The following KMT2A variants were observed in gnomAD, a reference collection of about 807,000 sequenced individuals.
KMT2A encodes lysine methyltransferase 2A.
Under a neutral mutation model 345.3 loss-of-function variants are expected in KMT2A, and 16 were observed. That is an observed-to-expected ratio of 0.05 (90% confidence interval 0.03 to 0.07). KMT2A has a LOEUF of 0.07. Ranked by LOEUF, KMT2A falls within the 10% of genes least tolerant of loss-of-function variation. The pLI is 1.00. For synonymous variants in KMT2A, 1,599 were observed against 1,778.6 expected (o/e 0.90, Z 2.54); for missense variants, 3,272 against 4,841.6 (o/e 0.68, Z 9.62).
chr11:118,482,807 G>T (rs922226193), intron 8 of KMT2A, among the ~76,000 whole-genome samples: 1 of 151,566 alleles, frequency 6.6e-6, no homozygotes, highest in African/African-American at 2.4e-5. Flanking sequence ...TGGCAGTTGC[G>T]TGTAGTCCCA....
chr11:118,440,975 T>C (rs1413803445), intron 1 of KMT2A, among the ~76,000 whole-genome samples: 1 of 151,992 alleles, frequency 6.6e-6, no homozygotes, highest in East Asian at 1.9e-4. Flanking sequence ...TACTGAACAG[T>C]TATGAGACCC....
chr11:118,493,099 A>G lies in KMT2A; in HGVS notation c.5047A>G (p.Ile1683Val). Residue 1683 changes from isoleucine to valine, a missense_variant, in exon 16 of 36, where the codon ATA becomes GTA. By Grantham distance (29) the Ile-to-Val change is conservative. This residue lies in a region of KMT2A where 66 missense variants were observed against 80.1 expected (regional missense o/e 0.82). Transcript: ENST00000534358. The surrounding 1 kb of genome is among the most constrained non-coding windows in gnomAD (Gnocchi z 5.8). ...CTTAAATCCCGAGACAGAGGAGAGTATACCTTCCCGCAGCTCCCCCGAAGG... is the reference window on the plus strand; with the variant it reads ...CTTAAATCCCGAGACAGAGGAGAGTGTACCTTCCCGCAGCTCCCCCGAAGG... ...PDLNPETEESIPSRSSPEGPD... is the reference protein window; with the variant it reads ...PDLNPETEESVPSRSSPEGPD... 1 of 1,614,048 alleles carries G rather than the reference A, an allele frequency of 6.2e-7. No homozygotes were observed. The highest frequency in any genetic ancestry group is 8.5e-7 in the Non-Finnish European group (1 of 1,179,928).
In KMT2A at chr11:118,520,077, T is replaced by C. The variant is rs782240356; in HGVS notation, c.11429+13T>C. The stretch of plus-strand genomic sequence containing the variant: ...TGAAGTCAGCTCGGTAAGTCTTGAG[T>C]GGGGAGCAGTCATTAGAAACTGCTT... On this transcript the variant is annotated intron_variant, in intron 33 of 35. Coordinates refer to ENST00000534358, the MANE Select transcript of KMT2A (RefSeq NM_001197104.2). This position sits in a 1 kb window ranked among gnomAD's most constrained non-coding sequence, Gnocchi z 4.3. 3 of 1,566,732 alleles carry C rather than the reference T, an allele frequency of 1.9e-6. No individual in the cohort carries two copies. Among genetic ancestry groups the C allele is most frequent in the Non-Finnish European group, 2.6e-6 (3 of 1,137,708 alleles).
At position 118,522,250 on chromosome 11, in the gene KMT2A, C is replaced by A; in HGVS notation, c.*78C>A. 6.5e-7 allele frequency: 1 copy of A among 1,527,100 alleles called. No homozygotes were observed. 94.6% of individuals were successfully genotyped at this position (1,527,100 alleles called of 1,614,324 possible). A position where few individuals can be genotyped will look rare whatever the true frequency, so the allele number is the denominator to read the frequency against. ...CAACGCTGAAGGCCTTTTCCAGCAG[C>A]TGGGAGCTCCCGGATTGCGTGGCAC... On this transcript the variant is annotated 3_prime_UTR_variant, in exon 36 of 36. Coordinates refer to ENST00000534358, the MANE Select transcript of KMT2A (RefSeq NM_001197104.2). This position sits in a 1 kb window ranked among gnomAD's most constrained non-coding sequence, Gnocchi z 5.4.
rs529166709 is a variant in KMT2A, at chr11:118,506,343, C to A, written c.10451C>A (p.Ser3484Tyr). 2 of 1,614,142 alleles carry A rather than the reference C, an allele frequency of 1.2e-6. No individual in the cohort carries two copies. The highest frequency in any genetic ancestry group is 3.3e-5 in the Admixed American group (2 of 60,022). The change falls in exon 27 of 36, where the codon TCC becomes TAC. Residue 3484 changes from serine to tyrosine, a missense_variant. Ser to Tyr is a moderately radical substitution (Grantham distance 144). Transcript: ENST00000534358. ...GATTCTGCTTCAGGGCCCCAGGTATCCAACTTTACCCAGACGGTAGACGCT... is the reference window on the plus strand; with the variant it reads ...GATTCTGCTTCAGGGCCCCAGGTATACAACTTTACCCAGACGGTAGACGCT... ...DLDSASGPQV[S>Y]NFTQTVDAPN...
chr11:118,526,006 T>C lies in KMT2A; in HGVS notation c.*3834T>C, dbSNP rs1013737020. The C allele has an allele frequency of 9.1e-6, 2 of 219,528 alleles. No individual in the cohort carries two copies. Among genetic ancestry groups the C allele is most frequent in the Non-Finnish European group, 1.8e-5 (2 of 109,508 alleles). The allele number at this position is 219,528 out of a possible 1,614,324, so 13.6% of individuals were successfully genotyped here. A position where few individuals can be genotyped will look rare whatever the true frequency, so the allele number is the denominator to read the frequency against. ...AATATGATATATATAGGAACTAATA[T>C]AGTAATGCACCATGTAACAAAGCCT... On this transcript the variant is annotated 3_prime_UTR_variant, in exon 36 of 36. Transcript: ENST00000534358.
intron 31 of KMT2A, among the ~76,000 whole-genome samples, chr11:118,515,231 G>C (rs1388473749): frequency 7.9e-5 from 12 of 152,130 alleles, no homozygotes; most frequent in Admixed American, 7.9e-4. Context: ...CCTCCACCAG[G>C]ACCTATTTCC....
chr11:118,466,323 T>G (rs1555034074), intron 1 of KMT2A, among the ~76,000 whole-genome samples: 1 of 152,108 alleles, frequency 6.6e-6, no homozygotes, highest in Admixed American at 6.5e-5. Flanking sequence ...GAGTGAGCAC[T>G]GGCAAATTTT....
intron 25 of KMT2A, 81 bp from the exon 26 acceptor site, chr11:118,501,591 G>T: frequency 1.6e-6 from 2 of 1,226,616 alleles, no homozygotes; most frequent in South Asian, 3.0e-5. Flanking sequence ...ACATTTACCT[G>T]ATAGCTGACT....
chr11:118,438,017 CCTTCT>C (rs1949233260), intron 1 of KMT2A, among the ~76,000 whole-genome samples: 1 of 152,184 alleles, frequency 6.6e-6, no homozygotes, highest in African/African-American at 2.4e-5. Flanking sequence ...TCCCTCCCGC[CCTTCT>C]CTTCTCGTCA....
Position 118,502,260 on chromosome 11 carries a change from T to C in KMT2A, c.6506-138T>C. The C allele has an allele frequency of 1.8e-6, 1 of 556,024 alleles. No individual in the cohort carries two copies. Among genetic ancestry groups the C allele is most frequent in the Non-Finnish European group, 2.9e-6 (1 of 350,366 alleles). 34.4% of individuals were successfully genotyped at this position (556,024 alleles called of 1,614,324 possible). On this transcript the variant is annotated intron_variant, in intron 26 of 35. Coordinates refer to ENST00000534358, the MANE Select transcript of KMT2A (RefSeq NM_001197104.2). This position sits in a 1 kb window ranked among gnomAD's most constrained non-coding sequence, Gnocchi z 4.9. The stretch of plus-strand genomic sequence containing the variant: ...AGAGTGAGACACTGTCTCAAAAAAG[T>C]AATAATAAATAAATAGAAAATGTAG...
intron 1 of KMT2A, among the ~76,000 whole-genome samples, chr11:118,453,957 A>C (rs1949590949): frequency 6.6e-6 from 1 of 152,208 alleles, no homozygotes; most frequent in South Asian, 2.1e-4. Flanking sequence ...CAGGCCTAAC[A>C]TGTAAGATTT....
At position 118,481,789 on chromosome 11, in the gene KMT2A, G is replaced by C. The variant is rs572783697; in HGVS notation, c.3709G>C (p.Val1237Leu). 6.2e-7 allele frequency: 1 copy of C among 1,614,170 alleles called. No homozygotes were observed. Among genetic ancestry groups the C allele is most frequent in the Non-Finnish European group, 8.5e-7 (1 of 1,180,026 alleles). The change falls in exon 7 of 36, where the codon GTG becomes CTG. Residue 1237 changes from valine (V) to leucine (L), a missense_variant. Coordinates refer to ENST00000534358, the MANE Select transcript of KMT2A (RefSeq NM_001197104.2). Reference protein sequence around the residue: ...DSKESSVVKNVVDSSQKPTPS... With the variant: ...DSKESSVVKNLVDSSQKPTPS... ...CAAAGAGAGCAGTGTTGTGAAGAAC[G>C]TGGTGGACTCTAGTCAGAAACCTAC... is the stretch of plus-strand genomic sequence containing the variant.
intron 2 of KMT2A, among the ~76,000 whole-genome samples, chr11:118,470,524 T>G (rs1265983075): frequency 6.6e-6 from 1 of 152,236 alleles, no homozygotes; most frequent in African/African-American, 2.4e-5. Context: ...GTCTCCTAGT[T>G]TATTACCTTT....
chr11:118,501,522 A>G (rs781891929), intron 25 of KMT2A, 150 bp from the exon 26 acceptor site: 3 of 645,560 alleles, frequency 4.6e-6, no homozygotes, highest in Non-Finnish European at 7.9e-6. Context: ...AGGGAGTACT[A>G]TGATTGAAAG....
intron 1 of KMT2A, among the ~76,000 whole-genome samples, chr11:118,464,269 C>T (rs932417827): frequency 6.6e-6 from 1 of 152,238 alleles, no homozygotes; most frequent in Non-Finnish European, 1.5e-5. Flanking sequence ...GGCGTGGTGG[C>T]TCACGCCTGT....
intron 1 of KMT2A, among the ~76,000 whole-genome samples, chr11:118,442,435 T>C (rs1949333874): frequency 6.6e-6 from 1 of 152,242 alleles, no homozygotes; most frequent in Admixed American, 6.5e-5. Context: ...GCCACAGAGT[T>C]CACTGTTACA....
At chr11:118,446,683 T>C (rs1949428681) in intron 1 of KMT2A, among the ~76,000 whole-genome samples, 1 of 152,234 alleles carries the variant, frequency 6.6e-6, no homozygotes, top group South Asian at 2.1e-4. Context: ...TCCATTACTT[T>C]TGGATAGTTT....
intron 4 of KMT2A, 109 bp downstream of exon 4, chr11:118,477,091 C>T: frequency 9.8e-7 from 1 of 1,018,304 alleles, no homozygotes; most frequent in Non-Finnish European, 1.5e-6. Context: ...CTCTGAAAAA[C>T]AGATGGCAAG....
Sources: gnomAD v4.1 joint callset for allele counts (sites outside exome capture counted in the v4.1 genomes callset) on GRCh38, gnomAD v4.1.1 for gene constraint, gnomAD v4.1.1 regional missense constraint, Gnocchi (gnomAD v3.1) non-coding constraint, MANE v1.5 for transcripts, NCBI Gene and HGNC (gene_info 2026-07-23, HGNC 2026-07-21) for gene names.